Variants in MRTFA observed in about 807,000 individuals in gnomAD.
The protein encoded by MRTFA is myocardin related transcription factor A.
MRTFA carries 20 observed loss-of-function variants against 83.5 expected under a neutral mutation model. The ratio of observed to expected loss-of-function variants is 0.24; its 90% CI spans 0.17 to 0.35. MRTFA has a LOEUF of 0.35. MRTFA is among the 10% of genes least tolerant of loss of function. The pLI, the probability that MRTFA is intolerant of heterozygous loss-of-function variation, is 1.00. For missense variants in MRTFA, 1,200 were observed against 1,224.7 expected, an observed-to-expected ratio of 0.98 and a Z score of 0.30; for synonymous variants, 659 against 541.2, an observed-to-expected ratio of 1.22 and a Z score of -3.02.
intron 3 of MRTFA, among the ~76,000 whole-genome samples, chr22:40,468,922 G>A (rs1341226904): frequency 6.6e-6 from 1 of 152,164 alleles, no homozygotes; most frequent in Non-Finnish European, 1.5e-5. Flanking sequence ...CAGTTTTCAT[G>A]AGAATTAACA....
At chr22:40,613,054 G>T (rs2056405030) in intron 1 of MRTFA, among the ~76,000 whole-genome samples, 1 of 152,130 alleles carries the variant, frequency 6.6e-6, no homozygotes, top group Non-Finnish European at 1.5e-5. Context: ...ATGACTACAG[G>T]TTAGTTTTGC....
intron 3 of MRTFA, among the ~76,000 whole-genome samples, chr22:40,527,805 CA>C (rs1348625594): frequency 6.7e-6 from 1 of 149,590 alleles, no homozygotes; most frequent in Non-Finnish European, 1.5e-5. Flanking sequence ...AGTGAAGTTC[CA>C]AAAAAACAAG....
At chr22:40,477,158 T>C (rs1488059813) in intron 3 of MRTFA, among the ~76,000 whole-genome samples, 2 of 117,710 alleles carry the variant, frequency 1.7e-5, no homozygotes, top group Admixed American at 9.8e-5. Context: ...GGTGAAACCC[T>C]GTCTCTACTA....
chr22:40,558,904 G>A (rs2055572714), intron 2 of MRTFA, among the ~76,000 whole-genome samples: 1 of 151,482 alleles, frequency 6.6e-6, no homozygotes, highest in Non-Finnish European at 1.5e-5. Flanking sequence ...TCATGTCTCA[G>A]CCTCCCGAGT....
chr22:40,428,153 G>A (rs2052993439), intron 7 of MRTFA, among the ~76,000 whole-genome samples: 1 of 151,796 alleles, frequency 6.6e-6, no homozygotes, highest in Non-Finnish European at 1.5e-5. Flanking sequence ...CAAGGAGAGG[G>A]TATGGGAACC....
intron 5 of MRTFA, among the ~76,000 whole-genome samples, chr22:40,431,718 C>T (rs1185123255): frequency 6.6e-6 from 1 of 152,112 alleles, no homozygotes; most frequent in Non-Finnish European, 1.5e-5. Flanking sequence ...GTCTCTGAGG[C>T]TGGACTGACA....
chr22:40,589,327 T>C (rs2056082964), intron 2 of MRTFA, among the ~76,000 whole-genome samples: 1 of 152,222 alleles, frequency 6.6e-6, no homozygotes, highest in Non-Finnish European at 1.5e-5. Flanking sequence ...GAGAATAATA[T>C]ACAGGCTTAC....
chr22:40,560,227 T>C (rs2055593115), intron 2 of MRTFA, among the ~76,000 whole-genome samples: 2 of 152,210 alleles, frequency 1.3e-5, no homozygotes, highest in Admixed American at 6.5e-5. Flanking sequence ...TATGCTATTA[T>C]CTCTACATTT....
At chr22:40,634,070 T>C (rs2056668333) in intron 1 of MRTFA, among the ~76,000 whole-genome samples, 1 of 151,926 alleles carries the variant, frequency 6.6e-6, no homozygotes, top group Non-Finnish European at 1.5e-5. Context: ...GGCTTATAAC[T>C]GGTATATCAG....
At chr22:40,533,287 A>G (rs1046412331) in intron 3 of MRTFA, among the ~76,000 whole-genome samples, 3 of 152,250 alleles carry the variant, frequency 2.0e-5, no homozygotes, top group Non-Finnish European at 4.4e-5. Context: ...TCTTTCATTT[A>G]AAACAGTGCC....
At chr22:40,620,712 T>C (rs573392624) in intron 1 of MRTFA, among the ~76,000 whole-genome samples, 1 of 152,174 alleles carries the variant, frequency 6.6e-6, no homozygotes, top group African/African-American at 2.4e-5. Flanking sequence ...CAGCCAACCA[T>C]AAGCAGAAGG....
chr22:40,421,881 G>A (rs540527287), intron 9 of MRTFA, among the ~76,000 whole-genome samples: 1 of 152,372 alleles, frequency 6.6e-6, no homozygotes, highest in South Asian at 2.1e-4. Flanking sequence ...AACAGGTGGT[G>A]TCTAGACCTT....
intron 4 of MRTFA, among the ~76,000 whole-genome samples, chr22:40,455,312 G>C (rs970369078): frequency 2.0e-5 from 3 of 152,152 alleles, no homozygotes; most frequent in African/African-American, 7.2e-5. Context: ...GGACAGGGCT[G>C]GTCTAGCACC....
chr22:40,607,268 G>A (rs143144758), intron 1 of MRTFA, among the ~76,000 whole-genome samples: 14 of 152,250 alleles, frequency 9.2e-5, no homozygotes, highest in Admixed American at 2.0e-4. Flanking sequence ...ACTCTGGGAG[G>A]CCGAGGAGTG....
At chr22:40,607,941 T>C (rs2056337750) in intron 1 of MRTFA, among the ~76,000 whole-genome samples, 1 of 152,212 alleles carries the variant, frequency 6.6e-6, no homozygotes, top group African/African-American at 2.4e-5. Context: ...AAAGTTGAGA[T>C]TGTCATGGTA....
intron 2 of MRTFA, among the ~76,000 whole-genome samples, chr22:40,580,293 G>C (rs767867576): frequency 6.6e-5 from 10 of 151,954 alleles, no homozygotes; most frequent in Non-Finnish European, 1.2e-4. Flanking sequence ...CAAACTCCTG[G>C]GCTCAAGCAT....
intron 3 of MRTFA, among the ~76,000 whole-genome samples, chr22:40,479,377 C>T (rs1373557445): frequency 3.9e-5 from 6 of 152,066 alleles, no homozygotes; most frequent in South Asian, 2.1e-4. Flanking sequence ...CAGACACCAC[C>T]TCCTCACACC....
intron 3 of MRTFA, among the ~76,000 whole-genome samples, chr22:40,516,422 G>GAAAAAA (rs56745896): frequency 2.1e-5 from 1 of 46,998 alleles, no homozygotes; most frequent in Non-Finnish European, 4.3e-5. Context: ...ACTGCCTCAA[G>GAAAAAA]AAAAAAAAAA....
At chr22:40,484,886 C>A (rs1014107382) in intron 3 of MRTFA, among the ~76,000 whole-genome samples, 1 of 151,870 alleles carries the variant, frequency 6.6e-6, no homozygotes, top group Non-Finnish European at 1.5e-5. Flanking sequence ...TCCTGGCCAA[C>A]ATGGTGAAAC....
Sources: allele counts gnomAD v4.1 joint callset (sites outside exome capture counted in the v4.1 genomes callset), GRCh38; gene constraint gnomAD v4.1.1; transcripts MANE v1.5; gene names NCBI Gene and HGNC (gene_info 2026-07-23, HGNC 2026-07-21).